Variants in PALLD observed in about 807,000 individuals in gnomAD.
PALLD encodes palladin, cytoskeletal associated protein.
A neutral mutation model predicts 123.5 loss-of-function variants in PALLD; 61 were observed. The ratio of observed to expected loss-of-function variants is 0.49; its 90% CI spans 0.40 to 0.61. The LOEUF (loss-of-function observed/expected upper bound fraction) is 0.61. Among genes scored for constraint, PALLD ranks in the 20% least tolerant of loss-of-function variants. The probability of loss-of-function intolerance (pLI) is 0.00; values close to 1 mark genes in which losing one functional copy is unlikely to be tolerated. For missense variants in PALLD, 1,273 were observed against 1,377.0 expected, an observed-to-expected ratio of 0.92 and a Z score of 1.20; for synonymous variants, 465 against 496.4, an observed-to-expected ratio of 0.94 and a Z score of 0.84.
intron 10 of PALLD, among the ~76,000 whole-genome samples, chr4:168,857,509 G>A (rs1168879643): frequency 3.3e-5 from 5 of 152,244 alleles, no homozygotes; most frequent in African/African-American, 1.2e-4. Context: ...TCCATGGAAA[G>A]GTAATGTTTA....
intron 15 of PALLD, among the ~76,000 whole-genome samples, chr4:168,912,920 A>G (rs1759288346): frequency 6.6e-6 from 1 of 152,154 alleles, no homozygotes. Flanking sequence ...AGAACAAAAT[A>G]TAGGTTTTTT....
chr4:168,517,358 A>G (rs1421713197), intron 2 of PALLD, among the ~76,000 whole-genome samples: 1 of 152,186 alleles, frequency 6.6e-6, no homozygotes, highest in Non-Finnish European at 1.5e-5. Context: ...AAATACAATT[A>G]CTCATATCTA....
intron 2 of PALLD, among the ~76,000 whole-genome samples, chr4:168,534,962 G>T (rs1391402604): frequency 6.6e-6 from 1 of 151,282 alleles, no homozygotes; most frequent in Non-Finnish European, 1.5e-5. Flanking sequence ...GAAAATATTT[G>T]AAAAAAAATG....
intron 10 of PALLD, among the ~76,000 whole-genome samples, chr4:168,826,059 A>G (rs977512605): frequency 3.3e-5 from 5 of 152,218 alleles, no homozygotes; most frequent in African/African-American, 1.2e-4. Flanking sequence ...TGATAACGGT[A>G]TTTCACCACT....
chr4:168,851,312 A>G (rs1747737239), intron 10 of PALLD, among the ~76,000 whole-genome samples: 1 of 152,200 alleles, frequency 6.6e-6, no homozygotes, highest in Non-Finnish European at 1.5e-5. Context: ...TGATAACTTA[A>G]TAGTACAACT....
chr4:168,681,222 G>A (rs900633020), intron 3 of PALLD, 110 bp from the exon 4 acceptor site: 34 of 712,394 alleles, frequency 4.8e-5, no homozygotes, highest in African/African-American at 2.7e-4. Context: ...TGTGTGTTTC[G>A]GTCAAAAAGA....
intron 2 of PALLD, chr4:168,598,440 T>C: frequency 1.6e-6 from 1 of 624,532 alleles, no homozygotes. Flanking sequence ...GTGATTGGTT[T>C]GGCTTCTGCA....
intron 2 of PALLD, among the ~76,000 whole-genome samples, chr4:168,546,611 G>T (rs1049612604): frequency 1.3e-5 from 2 of 152,072 alleles, no homozygotes; most frequent in African/African-American, 4.8e-5. Flanking sequence ...CATCCTGCAG[G>T]TCTTTAAACT....
At chr4:168,549,563 A>AT (rs1766513148) in intron 2 of PALLD, among the ~76,000 whole-genome samples, 1 of 152,188 alleles carries the variant, frequency 6.6e-6, no homozygotes. Flanking sequence ...GGATCTTGAC[A>AT]TTTTTAACCC....
In PALLD at chr4:168,785,846, G is replaced by GATATATATATATATATATATATAT. The variant is rs6148775; in HGVS notation, c.1964+73931_1964+73954dup. Reference sequence around the variant, plus strand: ...AGAGTCAGTTCTAATAAACTGTAGAGATATATATATATATATATATATATA... The same window carrying GATATATATATATATATATATATAT: ...AGAGTCAGTTCTAATAAACTGTAGAGATATATATATATATATATATATATATATATATATATATATATATATATA... On this transcript the variant is annotated intron_variant, in intron 10 of 21. Coordinates refer to ENST00000505667, the MANE Select transcript of PALLD (RefSeq NM_001166108.2). Among the ~76,000 whole-genome samples the GATATATATATATATATATATATAT allele has an allele frequency of 7.4e-3, 598 of 80,610 alleles. 38 individuals are homozygous for GATATATATATATATATATATATAT. The highest frequency in any genetic ancestry group is 0.013 in the Non-Finnish European group (447 of 35,274). The allele number at this position is 80,610 out of a possible 152,430, so 52.9% of individuals were successfully genotyped here.
rs767777801 is a variant in PALLD at position 168,850,523 on chromosome 4, C to CTTTTTTTTTTTTTT, written c.1965-40384_1965-40371dup. On this transcript the variant is annotated intron_variant, in intron 10 of 21. Coordinates refer to ENST00000505667, the MANE Select transcript of PALLD (RefSeq NM_001166108.2). ...TATATAATTTGTAAGTCTGTCATTT[C>CTTTTTTTTTTTTTT]TTTTTTTTTTTTTTTTTTTTTTTTT... Among the ~76,000 whole-genome samples the CTTTTTTTTTTTTTT allele has an allele frequency of 2.0e-4, 7 of 34,710 alleles. 1 individual carries two copies. Among genetic ancestry groups the CTTTTTTTTTTTTTT allele is most frequent in the African/African-American group, 6.6e-4 (5 of 7,554 alleles). 22.8% of individuals were successfully genotyped at this position (34,710 alleles called of 152,430 possible).
intron 10 of PALLD, among the ~76,000 whole-genome samples, chr4:168,714,445 G>A (rs1417655171): frequency 6.6e-6 from 1 of 152,116 alleles, no homozygotes; most frequent in African/African-American, 2.4e-5. Flanking sequence ...TATTGATAGA[G>A]AAATACTATT....
intron 2 of PALLD, among the ~76,000 whole-genome samples, chr4:168,532,198 T>C (rs552471895): frequency 7.2e-5 from 11 of 152,316 alleles, no homozygotes; most frequent in Admixed American, 2.0e-4. Flanking sequence ...TTTGGTTTTC[T>C]GCTCCTGTGC....
intron 10 of PALLD, among the ~76,000 whole-genome samples, chr4:168,757,931 T>C (rs1732124132): frequency 6.6e-6 from 1 of 152,058 alleles, no homozygotes; most frequent in Non-Finnish European, 1.5e-5. Context: ...ATTAGCTGGG[T>C]GTGGTGGCGC....
At chr4:168,639,546 T>A (rs1430064007) in intron 2 of PALLD, among the ~76,000 whole-genome samples, 2 of 143,294 alleles carry the variant, frequency 1.4e-5, no homozygotes, top group Non-Finnish European at 3.0e-5. Flanking sequence ...CCATTCAACT[T>A]TTTTTTTTTT....
intron 2 of PALLD, among the ~76,000 whole-genome samples, chr4:168,565,044 T>A (rs1037329368): frequency 0.01 from 1,371 of 134,896 alleles, 29 homozygotes; most frequent in African/African-American, 0.036. Flanking sequence ...AAAAAAAAAA[T>A]TCGCTGGGCA....
chr4:168,562,343 C>T (rs751200926), intron 2 of PALLD, among the ~76,000 whole-genome samples: 1 of 152,202 alleles, frequency 6.6e-6, no homozygotes, highest in Non-Finnish European at 1.5e-5. Flanking sequence ...GCCTGAGATT[C>T]ATTCATTCAT....
chr4:168,708,892 T>C (rs1042292485), intron 8 of PALLD, 136 bp from the exon 9 acceptor site: 2 of 829,502 alleles, frequency 2.4e-6, no homozygotes, highest in South Asian at 1.5e-5. Context: ...GAGATTCTAT[T>C]GTAAACACTT....
At chr4:168,919,651 T>G (rs1032310798) in intron 17 of PALLD, among the ~76,000 whole-genome samples, 2 of 152,300 alleles carry the variant, frequency 1.3e-5, no homozygotes, top group African/African-American at 4.8e-5. Flanking sequence ...AGCAGCAGCT[T>G]GCTTTTCCTC....
Sources: gnomAD v4.1 joint callset for allele counts (sites outside exome capture counted in the v4.1 genomes callset) on GRCh38, gnomAD v4.1.1 for gene constraint, MANE v1.5 for transcripts, NCBI Gene and HGNC (gene_info 2026-07-23, HGNC 2026-07-21) for gene names.